The following KYNU variants were observed in gnomAD, a reference collection of about 807,000 sequenced individuals.
KYNU encodes the protein L-kynurenine hydrolase.
Under a neutral mutation model 59.2 loss-of-function variants are expected in KYNU, and 54 were observed. That is an observed-to-expected ratio of 0.91 (90% CI 0.73 to 1.14). KYNU has a LOEUF of 1.14. Ranked by LOEUF, KYNU falls within the 50% of genes most tolerant of loss-of-function variation. The pLI is 0.00. For missense variants in KYNU, 567 were observed against 554.4 expected, an observed-to-expected ratio of 1.02 and a Z score of -0.23; for synonymous variants, 177 against 192.0, an observed-to-expected ratio of 0.92 and a Z score of 0.65.
At chr2:143,023,632 G>A (rs1054342864) in intron 10 of KYNU, among the ~76,000 whole-genome samples, 2 of 151,756 alleles carry the variant, frequency 1.3e-5, no homozygotes, top group African/African-American at 4.8e-5. Context: ...TATCTTTACT[G>A]TGAATTTTTC....
chr2:143,041,962 G>A, intron 13 of KYNU, 85 bp from the exon 14 acceptor site: 1 of 1,367,626 alleles, frequency 7.3e-7, no homozygotes, highest in Non-Finnish European at 1.0e-6. Context: ...CATTATGAAA[G>A]TGCTTTACAT....
At chr2:142,933,563 G>C (rs1361478876) in intron 4 of KYNU, among the ~76,000 whole-genome samples, 1 of 152,196 alleles carries the variant, frequency 6.6e-6, no homozygotes, top group Non-Finnish European at 1.5e-5. Context: ...AGTCAGCTGT[G>C]AGCCCTTGGG....
At chr2:142,944,167 T>A (rs2105057848) in intron 4 of KYNU, among the ~76,000 whole-genome samples, 1 of 152,354 alleles carries the variant, frequency 6.6e-6, no homozygotes, top group East Asian at 1.9e-4. Flanking sequence ...AGTTAGTTCA[T>A]CTCTTTGCAC....
chr2:143,043,753 A>G lies in KYNU; in HGVS notation c.*1581A>G, dbSNP rs1687119262. The G allele has an allele frequency of 7.0e-6, 1 of 142,060 alleles. No homozygotes were observed. Among genetic ancestry groups the G allele is most frequent in the South Asian group, 2.2e-4 (1 of 4,540 alleles). 8.8% of individuals were successfully genotyped at this position (142,060 alleles called of 1,614,324 possible). On this transcript the variant is annotated 3_prime_UTR_variant, in exon 14 of 14. Transcript: ENST00000264170. ...ATATATATAAATATATATACTTTAT[A>G]TATATTTATATTTATATATTTATAT...
intron 2 of KYNU, among the ~76,000 whole-genome samples, chr2:142,917,722 A>G (rs528926047): frequency 1.1e-4 from 16 of 152,344 alleles, no homozygotes; most frequent in African/African-American, 3.8e-4. Context: ...ATATACATAT[A>G]TTTTATTGGT....
chr2:142,954,764 T>G, intron 4 of KYNU, 46 bp from the exon 5 acceptor site: 1 of 1,286,546 alleles, frequency 7.8e-7, no homozygotes, highest in South Asian at 1.2e-5. Context: ...TTCAGTATCT[T>G]TAGACATAGT....
intron 5 of KYNU, 81 bp from the exon 6 acceptor site, chr2:142,956,122 A>G (rs1347330053): frequency 2.5e-6 from 2 of 791,286 alleles, no homozygotes; most frequent in Non-Finnish European, 4.3e-6. Flanking sequence ...ACTGGAGATT[A>G]TAAAATGATA....
intron 4 of KYNU, among the ~76,000 whole-genome samples, chr2:142,939,602 CAAAAAAAA>C (rs71301737): frequency 1.5e-5 from 1 of 65,106 alleles, no homozygotes; most frequent in Non-Finnish European, 2.9e-5. Context: ...CTCCATCTCA[CAAAAAAAA>C]AAAAAAAAAA....
chr2:142,940,744 G>A (rs1437655041), intron 4 of KYNU, among the ~76,000 whole-genome samples: 1 of 151,988 alleles, frequency 6.6e-6, no homozygotes, highest in Non-Finnish European at 1.5e-5. Flanking sequence ...TTATATTCTG[G>A]CCCACAAGAC....
chr2:142,952,119 G>C (rs1442619462), intron 4 of KYNU, among the ~76,000 whole-genome samples: 2 of 152,104 alleles, frequency 1.3e-5, no homozygotes, highest in Non-Finnish European at 2.9e-5. Flanking sequence ...ATCTCCCTCT[G>C]TCACCCTGGC....
intron 3 of KYNU, among the ~76,000 whole-genome samples, chr2:142,922,552 A>T (rs1298480997): frequency 6.6e-6 from 1 of 152,132 alleles, no homozygotes; most frequent in Non-Finnish European, 1.5e-5. Context: ...AGAGTGCTTC[A>T]ACAAAGCAAG....
rs1415596755 is a variant in KYNU at position 143,047,555 on chromosome 2, C to G, written c.*5383C>G. On this transcript the variant is annotated 3_prime_UTR_variant, in exon 14 of 14. Coordinates refer to ENST00000264170, the MANE Select transcript of KYNU (RefSeq NM_003937.3). The stretch of plus-strand genomic sequence containing the variant: ...TCTCTCTCTTTCTCTTTCTCTCTTT[C>G]TTTCTTTCTTTCTTTCTCACAGGGT... 6.7e-6 allele frequency: 1 copy of G among 150,096 alleles called. No individual in the cohort carries two copies. Among genetic ancestry groups the G allele is most frequent in the Non-Finnish European group, 1.5e-5 (1 of 67,566 alleles). The allele number at this position is 150,096 out of a possible 1,614,324, so 9.3% of individuals were successfully genotyped here.
intron 10 of KYNU, among the ~76,000 whole-genome samples, chr2:143,000,862 C>G (rs986757188): frequency 1.3e-5 from 2 of 152,080 alleles, no homozygotes; most frequent in Non-Finnish European, 2.9e-5. Context: ...GTGAGTATGA[C>G]AAGAATGACC....
chr2:143,021,046 G>T (rs1686393393), intron 10 of KYNU, among the ~76,000 whole-genome samples: 1 of 152,090 alleles, frequency 6.6e-6, no homozygotes, highest in African/African-American at 2.4e-5. Context: ...TAACTGGAGA[G>T]ATTTTCTTTT....
chr2:143,007,736 G>C (rs1195258897), intron 10 of KYNU, among the ~76,000 whole-genome samples: 1 of 123,184 alleles, frequency 8.1e-6, no homozygotes, highest in Non-Finnish European at 1.6e-5. Context: ...AGCCAGAAGA[G>C]AGTGGGGGCC....
intron 3 of KYNU, among the ~76,000 whole-genome samples, chr2:142,921,390 C>T (rs1049835801): frequency 6.6e-6 from 1 of 152,182 alleles, no homozygotes; most frequent in African/African-American, 2.4e-5. Context: ...AAATTTCTTT[C>T]TGTGGCTGCT....
At chr2:142,992,555 T>C (rs1277127017) in intron 10 of KYNU, among the ~76,000 whole-genome samples, 1 of 151,868 alleles carries the variant, frequency 6.6e-6, no homozygotes, top group Non-Finnish European at 1.5e-5. Flanking sequence ...ATTGATTTAT[T>C]TAAGTGGTTT....
At chr2:142,939,602 CAAAAA>C (rs71301737) in intron 4 of KYNU, among the ~76,000 whole-genome samples, 1 of 65,110 alleles carries the variant, frequency 1.5e-5, no homozygotes, top group East Asian at 3.8e-4. Flanking sequence ...CTCCATCTCA[CAAAAA>C]AAAAAAAAAA....
At position 143,014,453 on chromosome 2, in the gene KYNU, G is replaced by C. The variant is rs563505075; in HGVS notation, c.903-15174G>C. Among the ~76,000 whole-genome samples, 8 of 152,220 alleles carry C rather than the reference G, an allele frequency of 5.3e-5. No homozygotes were observed. In the South Asian group the frequency reaches 1.7e-3, roughly 32 times the overall value. On this transcript the variant is annotated intron_variant, in intron 10 of 13. Coordinates refer to ENST00000264170, the MANE Select transcript of KYNU (RefSeq NM_003937.3). ...TTTTCTTTTATATGTGCTGTTTCTG[G>C]CATAAATTTTATGCTGGGCTATATG... is the stretch of plus-strand genomic sequence containing the variant.
Sources: allele counts gnomAD v4.1 joint callset (sites outside exome capture counted in the v4.1 genomes callset), GRCh38; gene constraint gnomAD v4.1.1; transcripts MANE v1.5; gene names NCBI Gene and HGNC (gene_info 2026-07-23, HGNC 2026-07-21).